KIZ: variants seen among roughly 807,000 people sequenced by gnomAD.
KIZ encodes kizuna centrosomal protein, also known as centrosomal protein kizuna.
Under a neutral mutation model 79.6 loss-of-function variants are expected in KIZ, and 68 were observed. The ratio of observed to expected loss-of-function variants is 0.85; its 90% CI spans 0.70 to 1.05. The LOEUF is 1.05. Ranked by LOEUF, KIZ falls within the 50% of genes least tolerant of loss-of-function variation. KIZ has a pLI of 0.00. For missense variants in KIZ, 797 were observed against 800.4 expected (o/e 1.00, Z 0.05); for synonymous variants, 280 against 281.8 (o/e 0.99, Z 0.06).
At chr20:21,238,116 A>G (rs1031828602) in intron 11 of KIZ, among the ~76,000 whole-genome samples, 2 of 152,016 alleles carry the variant, frequency 1.3e-5, no homozygotes, top group African/African-American at 4.8e-5. Flanking sequence ...TAGGCGAGCC[A>G]CCATGCCCAG....
chr20:21,141,679 A>G (rs1193697299), intron 3 of KIZ, among the ~76,000 whole-genome samples: 2 of 152,138 alleles, frequency 1.3e-5, no homozygotes, highest in East Asian at 1.9e-4. Flanking sequence ...GGCAGGCACA[A>G]GAGTCTTCAT....
chr20:21,141,231 A>G (rs1000529163), intron 3 of KIZ, among the ~76,000 whole-genome samples: 1 of 152,090 alleles, frequency 6.6e-6, no homozygotes, highest in African/African-American at 2.4e-5. Flanking sequence ...GCAGACCTGG[A>G]GAACAGGGAT....
chr20:21,208,314 C>T (rs1230455757), intron 7 of KIZ, among the ~76,000 whole-genome samples: 1 of 152,030 alleles, frequency 6.6e-6, no homozygotes, highest in Non-Finnish European at 1.5e-5. Flanking sequence ...ATTCTGTTTC[C>T]CCTAATAGAT....
chr20:21,194,428 T>C (rs1482274508), intron 6 of KIZ: 1 of 152,236 alleles, frequency 6.6e-6, no homozygotes, highest in Non-Finnish European at 1.5e-5. Context: ...CTATAACACA[T>C]AGTCTTTAAT....
At chr20:21,200,283 T>G (rs1224477115) in intron 6 of KIZ, among the ~76,000 whole-genome samples, 1 of 152,046 alleles carries the variant, frequency 6.6e-6, no homozygotes, top group East Asian at 1.9e-4. Flanking sequence ...GTCCCTAACC[T>G]TTTTGGCACC....
In KIZ at chr20:21,229,125, A is replaced by G. The variant is rs372267300; in HGVS notation, c.1783+10A>G. The G allele has an allele frequency of 4.7e-6, 7 of 1,502,468 alleles. No homozygotes were observed. Among genetic ancestry groups the G allele is most frequent in the South Asian group, 3.4e-5 (3 of 87,476 alleles). The allele number at this position is 1,502,468 out of a possible 1,614,324, so 93.1% of individuals were successfully genotyped here. On this transcript the variant is annotated intron_variant, in intron 10 of 12. Transcript: ENST00000619189. ...GTGTCACACTTGTCAGGTAAGTAAGAGCAGATGGCAGTGTCCAGGGGCCCA... is the reference window on the plus strand; with the variant it reads ...GTGTCACACTTGTCAGGTAAGTAAGGGCAGATGGCAGTGTCCAGGGGCCCA...
At chr20:21,207,360 C>A (rs2035868498) in intron 7 of KIZ, among the ~76,000 whole-genome samples, 1 of 151,964 alleles carries the variant, frequency 6.6e-6, no homozygotes, top group Non-Finnish European at 1.5e-5. Flanking sequence ...TAGGACGGAC[C>A]CACTAATCCC....
intron 7 of KIZ, among the ~76,000 whole-genome samples, chr20:21,208,701 CAAA>C (rs748647325): frequency 2.4e-5 from 3 of 122,712 alleles, no homozygotes; most frequent in Admixed American, 8.4e-5. Context: ...GACTCCATCT[CAAA>C]AAAAAAAAAA....
chr20:21,202,804 C>CT (rs1568972196), intron 6 of KIZ, among the ~76,000 whole-genome samples: 2 of 152,168 alleles, frequency 1.3e-5, no homozygotes, highest in African/African-American at 4.8e-5. Context: ...TTATACTTTT[C>CT]TAAGTAAGTT....
chr20:21,155,344 G>C (rs1036557678), intron 4 of KIZ, among the ~76,000 whole-genome samples: 1 of 152,050 alleles, frequency 6.6e-6, no homozygotes, highest in South Asian at 2.1e-4. Context: ...CCATGAAAAG[G>C]AATAAAATAC....
intron 3 of KIZ, among the ~76,000 whole-genome samples, chr20:21,141,848 CTG>C (rs2032559867): frequency 1.4e-5 from 2 of 147,718 alleles, no homozygotes; most frequent in Non-Finnish European, 3.0e-5. Flanking sequence ...CTCTCTCTCT[CTG>C]TGTTTGTCTC....
intron 6 of KIZ, among the ~76,000 whole-genome samples, chr20:21,165,311 G>C (rs2033879163): frequency 6.6e-6 from 1 of 151,622 alleles, no homozygotes; most frequent in South Asian, 2.1e-4. Context: ...AGAGCAAATA[G>C]GGTCTGGAGG....
At chr20:21,203,762 G>A (rs1218444862) in intron 6 of KIZ, among the ~76,000 whole-genome samples, 1 of 151,832 alleles carries the variant, frequency 6.6e-6, no homozygotes, top group Non-Finnish European at 1.5e-5. Flanking sequence ...GCCTCCAAAG[G>A]TTTTAAAATT....
chr20:21,190,249 T>G (rs1226193741), intron 6 of KIZ, among the ~76,000 whole-genome samples: 1 of 152,252 alleles, frequency 6.6e-6, no homozygotes, highest in African/African-American at 2.4e-5. Context: ...TTAAACTATT[T>G]TATCAGTAGT....
Position 21,163,005 on chromosome 20 carries a change from G to A in KIZ, c.1198G>A (p.Gly400Ser). 6.2e-7 allele frequency: 1 copy of A among 1,613,860 alleles called. No homozygotes were observed. Among genetic ancestry groups the A allele is most frequent in the Non-Finnish European group, 8.5e-7 (1 of 1,179,824 alleles). ...CCCAGAACCACAGCCAAATCCAGGTGGCAAGATGGAGGGAGAAGATGGAAT... is the reference window on the plus strand; with the variant it reads ...CCCAGAACCACAGCCAAATCCAGGTAGCAAGATGGAGGGAGAAGATGGAAT... ...ESPEPQPNPG[G>S]KMEGEDGIEA... The change falls in exon 6 of 13, where the codon GGC becomes AGC. Residue 400 changes from glycine to serine, a missense_variant. Gly to Ser is a moderately conservative substitution (Grantham distance 56). Transcript: ENST00000619189.
chr20:21,214,581 G>C lies in KIZ; in HGVS notation c.1493G>C (p.Arg498Thr). The C allele has an allele frequency of 6.2e-7, 1 of 1,613,448 alleles. No individual in the cohort carries two copies. The highest frequency in any genetic ancestry group is 1.7e-4 in the Middle Eastern group (1 of 6,058). The change falls in exon 8 of 13, where the codon AGG (arginine) becomes ACG (threonine). Residue 498 changes from arginine to threonine, a missense_variant. Arg to Thr is a moderately conservative substitution (Grantham distance 71, BLOSUM62 -1). Transcript: ENST00000619189. ...GCCCTTACAGAAGAGTGTGGCCGTAGGTCAGCTATTCACAGTAGTGAATCA... is the reference window on the plus strand; with the variant it reads ...GCCCTTACAGAAGAGTGTGGCCGTACGTCAGCTATTCACAGTAGTGAATCA... Reference protein sequence around the residue: ...RKALTEECGRRSAIHSSESSC... With the variant: ...RKALTEECGRTSAIHSSESSC...
At chr20:21,131,289 C>A (rs1165063291) in intron 1 of KIZ, among the ~76,000 whole-genome samples, 2 of 152,298 alleles carry the variant, frequency 1.3e-5, no homozygotes, top group South Asian at 2.1e-4. Context: ...CTAGCACTCA[C>A]CTGAACAGCA....
At chr20:21,197,671 A>T (rs950909678) in intron 6 of KIZ, 1 of 152,218 alleles carries the variant, frequency 6.6e-6, no homozygotes. Flanking sequence ...CAAGTTTTTC[A>T]AACTGCCCCA....
intron 11 of KIZ, among the ~76,000 whole-genome samples, chr20:21,241,094 C>T (rs1366090035): frequency 6.6e-6 from 1 of 152,242 alleles, no homozygotes; most frequent in Non-Finnish European, 1.5e-5. Flanking sequence ...ACAACCTTAA[C>T]TCTTTGATTT....
Sources: allele counts gnomAD v4.1 joint callset (sites outside exome capture counted in the v4.1 genomes callset), GRCh38; gene constraint gnomAD v4.1.1; transcripts MANE v1.5; gene names NCBI Gene and HGNC (gene_info 2026-07-23, HGNC 2026-07-21).